The following DSCAM variants were observed in gnomAD, a reference collection of about 807,000 sequenced individuals.
DSCAM encodes the protein cell adhesion molecule DSCAM.
A neutral mutation model predicts 217.7 loss-of-function variants in DSCAM; 47 were observed. The ratio of observed to expected loss-of-function variants is 0.22; its 90% confidence interval spans 0.17 to 0.28. The LOEUF (loss-of-function observed/expected upper bound fraction) is 0.28, where lower values mean the gene tolerates loss of function less well. Among genes scored for constraint, DSCAM ranks in the 10% least tolerant of loss-of-function variants. The pLI is 1.00. For synonymous variants in DSCAM, 1,056 were observed against 1,015.3 expected (o/e 1.04, Z -0.76); for missense variants, 2,080 against 2,618.3 (o/e 0.79, Z 4.49).
At chr21:40,676,974 C>A (rs1179078059) in intron 3 of DSCAM, among the ~76,000 whole-genome samples, 2 of 152,006 alleles carry the variant, frequency 1.3e-5, no homozygotes, top group African/African-American at 4.8e-5. Context: ...TCCTCAATTT[C>A]AAGTTCATTT....
At chr21:40,763,948 G>A (rs2091361221) in intron 1 of DSCAM, among the ~76,000 whole-genome samples, 1 of 152,136 alleles carries the variant, frequency 6.6e-6, no homozygotes, top group South Asian at 2.1e-4. Flanking sequence ...ATTAACTCAA[G>A]ATGGATTAAA....
At chr21:40,332,705 T>A (rs2074389747) in intron 8 of DSCAM, among the ~76,000 whole-genome samples, 1 of 152,226 alleles carries the variant, frequency 6.6e-6, no homozygotes, top group African/African-American at 2.4e-5. Flanking sequence ...CCTATATGTT[T>A]GAAGGCAGCA....
At chr21:40,026,210 A>G (rs1232686513) in intron 32 of DSCAM, among the ~76,000 whole-genome samples, 2 of 141,332 alleles carry the variant, frequency 1.4e-5, no homozygotes, top group African/African-American at 2.5e-5. Flanking sequence ...CCTGAGATCT[A>G]GTTTGATTGA....
At chr21:40,609,152 G>A (rs1436714112) in intron 3 of DSCAM, among the ~76,000 whole-genome samples, 1 of 151,984 alleles carries the variant, frequency 6.6e-6, no homozygotes, top group Admixed American at 6.6e-5. Context: ...ATGGGATTTT[G>A]CCATGTTGCC....
Position 40,744,102 on chromosome 21 carries a change from C to T in DSCAM, c.44-35331G>A, listed in dbSNP as rs950663909. Among the ~76,000 whole-genome samples, 4 of 152,154 alleles carry T rather than the reference C, an allele frequency of 2.6e-5. No homozygotes were observed. The South Asian group carries it at 8.3e-4, about 32-fold the overall frequency. ...GCCACTCACAGAGAATTGACACAGA[C>T]TCATGGTTTCTAAGGTGGGAAGATG... On this transcript the variant is annotated intron_variant, in intron 1 of 32. Transcript: ENST00000400454.
chr21:40,400,387 T>C (rs563998386), intron 3 of DSCAM, among the ~76,000 whole-genome samples: 1 of 152,368 alleles, frequency 6.6e-6, no homozygotes, highest in East Asian at 1.9e-4. Flanking sequence ...CCTAATAGAA[T>C]GCTCAATTCT....
At chr21:40,160,054 G>A (rs1568974309) in intron 16 of DSCAM, among the ~76,000 whole-genome samples, 2 of 152,190 alleles carry the variant, frequency 1.3e-5, no homozygotes. Flanking sequence ...AATCGGGGTT[G>A]TTAATCAAGG....
intron 11 of DSCAM, among the ~76,000 whole-genome samples, chr21:40,207,127 A>G (rs1024570881): frequency 7.2e-5 from 11 of 152,246 alleles, no homozygotes; most frequent in Non-Finnish European, 1.5e-5. Flanking sequence ...CCGAAAAAAA[A>G]TTGTAACTAT....
At position 40,668,682 on chromosome 21, in the gene DSCAM, T is replaced by C. The variant is rs62226470; in HGVS notation, c.508+24128A>G. Reference sequence around the variant, plus strand: ...CATGTGCACTAAACTGTTTAAGTACTATTCTGGGAGATTAGAACATAAAAC... The same window carrying C: ...CATGTGCACTAAACTGTTTAAGTACCATTCTGGGAGATTAGAACATAAAAC... On this transcript the variant is annotated intron_variant, in intron 3 of 32. Coordinates refer to ENST00000400454, the MANE Select transcript of DSCAM (RefSeq NM_001389.5). Among the ~76,000 whole-genome samples, 1,405 of 152,358 alleles carry C rather than the reference T, an allele frequency of 9.2e-3. 12 individuals carry two copies. Among genetic ancestry groups the C allele is most frequent in the Middle Eastern group, 0.024 (7 of 294 alleles).
intron 3 of DSCAM, among the ~76,000 whole-genome samples, chr21:40,673,849 G>A (rs2090306146): frequency 6.6e-6 from 1 of 152,164 alleles, no homozygotes; most frequent in South Asian, 2.1e-4. Context: ...AGAAGCAGCT[G>A]CTGGCACCAT....
intron 2 of DSCAM, among the ~76,000 whole-genome samples, chr21:40,702,599 G>T (rs115664941): frequency 3.5e-4 from 53 of 151,998 alleles, no homozygotes; most frequent in Non-Finnish European, 6.8e-4. Flanking sequence ...TATAATTCAG[G>T]TTACTGGAAC....
chr21:40,180,819 G>A (rs1022036175), intron 14 of DSCAM, among the ~76,000 whole-genome samples: 3 of 151,932 alleles, frequency 2.0e-5, no homozygotes, highest in African/African-American at 4.8e-5. Context: ...GTCCATGACT[G>A]CAGTCCCTTA....
At chr21:40,388,098 A>G (rs2075102828) in intron 3 of DSCAM, among the ~76,000 whole-genome samples, 2 of 151,676 alleles carry the variant, frequency 1.3e-5, no homozygotes, top group South Asian at 4.2e-4. Context: ...CAGAAAAGCA[A>G]TATTTGGGAA....
chr21:40,332,850 G>T (rs77980398), intron 8 of DSCAM, among the ~76,000 whole-genome samples: 1 of 152,076 alleles, frequency 6.6e-6, no homozygotes, highest in African/African-American at 2.4e-5. Flanking sequence ...TAAGCAAAGG[G>T]TTATGACTAT....
intron 11 of DSCAM, among the ~76,000 whole-genome samples, chr21:40,251,651 C>A (rs73225034): frequency 6.6e-6 from 1 of 152,142 alleles, no homozygotes; most frequent in Non-Finnish European, 1.5e-5. Flanking sequence ...AAGATAGCCC[C>A]CAGTGATCCT....
rs563620083 is a variant in DSCAM at position 40,043,964 on chromosome 21, GAACAT to G, written c.5383+109_5383+113del. The G allele has an allele frequency of 1.8e-4, 189 of 1,072,828 alleles. 1 individual carries two copies. The East Asian group carries it at 3.8e-3, about 22-fold the overall frequency. 66.5% of individuals were successfully genotyped at this position (1,072,828 alleles called of 1,614,324 possible). A position where few individuals can be genotyped will look rare whatever the true frequency, so the allele number is the denominator to read the frequency against. ...AACAATTTGAAAGTGACCTTCAAAA[GAACAT>G]AAGTAAGAGGGAGGAAGCCCTCTCT... On this transcript the variant is annotated intron_variant, in intron 31 of 32. Coordinates refer to ENST00000400454, the MANE Select transcript of DSCAM (RefSeq NM_001389.5).
chr21:40,422,364 T>C (rs1016068215), intron 3 of DSCAM, among the ~76,000 whole-genome samples: 2 of 152,184 alleles, frequency 1.3e-5, no homozygotes, highest in African/African-American at 4.8e-5. Flanking sequence ...GCACAGTGGC[T>C]CACTCCTATA....
At chr21:40,805,132 C>G (rs2091774682) in intron 1 of DSCAM, among the ~76,000 whole-genome samples, 1 of 152,222 alleles carries the variant, frequency 6.6e-6, no homozygotes, top group South Asian at 2.1e-4. Flanking sequence ...CAAATCCACC[C>G]TCCAGTCTGC....
rs545116208 is a variant in DSCAM, at chr21:40,527,260, A to G, written c.509-158015T>C. ...ATAATCCTCCATGTCTCCAAGTATC[A>G]TAGCCTTTACAATGATCTTCACAAC... On this transcript the variant is annotated intron_variant, in intron 3 of 32. Coordinates refer to ENST00000400454, the MANE Select transcript of DSCAM (RefSeq NM_001389.5). Among the ~76,000 whole-genome samples the G allele has an allele frequency of 5.9e-5, 9 of 152,330 alleles. No individual in the cohort carries two copies. The South Asian group carries it at 1.9e-3, about 32-fold the overall frequency.
Sources: allele counts gnomAD v4.1 joint callset (sites outside exome capture counted in the v4.1 genomes callset), GRCh38; gene constraint gnomAD v4.1.1; transcripts MANE v1.5; gene names NCBI Gene and HGNC (gene_info 2026-07-23, HGNC 2026-07-21).